MAP4K3: variants seen among roughly 807,000 people sequenced by gnomAD.
The protein encoded by MAP4K3 is mitogen-activated protein kinase kinase kinase kinase 3.
MAP4K3 carries 94 observed loss-of-function variants against 143.5 expected under a neutral mutation model. The ratio of observed to expected loss-of-function variants is 0.65; its 90% CI spans 0.55 to 0.78. MAP4K3 has a LOEUF of 0.78. Ranked by LOEUF, MAP4K3 falls within the 30% of genes least tolerant of loss-of-function variation. The probability of loss-of-function intolerance (pLI) is 0.00; values close to 1 mark genes in which losing one functional copy is unlikely to be tolerated. For synonymous variants in MAP4K3, 416 were observed against 347.2 expected, an observed-to-expected ratio of 1.20 and a Z score of -2.20; for missense variants, 1,077 against 1,068.1, an observed-to-expected ratio of 1.01 and a Z score of -0.12.
chr2:39,345,204 T>C (rs116315231), intron 3 of MAP4K3, among the ~76,000 whole-genome samples: 7,301 of 151,274 alleles, frequency 0.048, 186 homozygotes, highest in Middle Eastern at 0.12. Flanking sequence ...GAGACTCTCA[T>C]CTCTTAAAAA....
chr2:39,319,978 T>C (rs1035639325), intron 12 of MAP4K3, among the ~76,000 whole-genome samples: 3 of 152,192 alleles, frequency 2.0e-5, no homozygotes, highest in African/African-American at 7.2e-5. Context: ...ATTATTTTTA[T>C]TTTTTAAACT....
chr2:39,295,893 A>G lies in MAP4K3; in HGVS notation c.1179-2625T>C, dbSNP rs989685607. Among the ~76,000 whole-genome samples the G allele has an allele frequency of 2.0e-5, 3 of 151,656 alleles. No individual in the cohort carries two copies. In the South Asian group the frequency reaches 6.2e-4, roughly 32 times the overall value. On this transcript the variant is annotated intron_variant, in intron 16 of 33. Coordinates refer to ENST00000263881, the MANE Select transcript of MAP4K3 (RefSeq NM_003618.4). ...ACCACCATGCCCGGCTAATTTTTGTATTTTCAGTAAAGACTGAGTCTCACT... is the reference window on the plus strand; with the variant it reads ...ACCACCATGCCCGGCTAATTTTTGTGTTTTCAGTAAAGACTGAGTCTCACT...
chr2:39,370,269 T>C (rs570931846), intron 2 of MAP4K3, among the ~76,000 whole-genome samples: 1 of 152,196 alleles, frequency 6.6e-6, no homozygotes, highest in Admixed American at 6.5e-5. Context: ...GACTAAGCTA[T>C]CCATGATTAA....
chr2:39,359,264 C>A (rs1405812167), intron 2 of MAP4K3, among the ~76,000 whole-genome samples: 1 of 151,774 alleles, frequency 6.6e-6, no homozygotes, highest in East Asian at 2.0e-4. Flanking sequence ...TTAATGACTA[C>A]CAACAGGGTA....
At chr2:39,336,267 G>C (rs1032262306) in intron 6 of MAP4K3, among the ~76,000 whole-genome samples, 1 of 151,970 alleles carries the variant, frequency 6.6e-6, no homozygotes, top group Non-Finnish European at 1.5e-5. Context: ...GAGGTCAGGA[G>C]ATCGAGACCA....
At chr2:39,287,884 G>C (rs1004844191) in intron 20 of MAP4K3, among the ~76,000 whole-genome samples, 2 of 152,154 alleles carry the variant, frequency 1.3e-5, no homozygotes, top group Admixed American at 6.5e-5. Context: ...CTCTAGAAGA[G>C]AGAAGGCTAA....
At chr2:39,294,281 G>C (rs1172767442) in intron 16 of MAP4K3, 2 of 152,096 alleles carry the variant, frequency 1.3e-5, no homozygotes, top group Non-Finnish European at 2.9e-5. Context: ...TCTACTGTAA[G>C]CAATTAACAG....
At chr2:39,366,408 T>C (rs1163073297) in intron 2 of MAP4K3, among the ~76,000 whole-genome samples, 3 of 152,208 alleles carry the variant, frequency 2.0e-5, no homozygotes, top group Admixed American at 2.0e-4. Flanking sequence ...ACCAAGGTTT[T>C]ATCATGCAGA....
At chr2:39,301,452 C>T (rs1305223896) in intron 15 of MAP4K3, among the ~76,000 whole-genome samples, 1 of 152,170 alleles carries the variant, frequency 6.6e-6, no homozygotes, top group Non-Finnish European at 1.5e-5. Context: ...AAGAGAAGTA[C>T]TAAATTAAAT....
intron 1 of MAP4K3, among the ~76,000 whole-genome samples, chr2:39,433,205 G>A (rs1665348775): frequency 1.3e-5 from 2 of 152,146 alleles, no homozygotes; most frequent in Admixed American, 1.3e-4. Flanking sequence ...TGACTCTAAG[G>A]CTTACAGCCT....
chr2:39,288,302 G>A (rs1401346927), intron 19 of MAP4K3, 22 bp from the exon 20 acceptor site: 1 of 1,602,304 alleles, frequency 6.2e-7, no homozygotes, highest in South Asian at 1.1e-5. Context: ...TAGAAAAAGA[G>A]ACCAACAATG....
At chr2:39,368,149 T>C (rs766809258) in intron 2 of MAP4K3, among the ~76,000 whole-genome samples, 1 of 152,174 alleles carries the variant, frequency 6.6e-6, no homozygotes, top group African/African-American at 2.4e-5. Flanking sequence ...GTGAAAATCC[T>C]CTGGAGTATA....
chr2:39,343,712 T>C lies in MAP4K3; in HGVS notation c.246-260A>G, dbSNP rs547883701. 2.6e-4 allele frequency among the ~76,000 whole-genome samples: 40 copies of C among 152,206 alleles called. No individual in the cohort carries two copies. The South Asian group carries it at 8.1e-3, about 31-fold the overall frequency. The stretch of plus-strand genomic sequence containing the variant: ...ATCAGGCACATCCAAATAATGAAAA[T>C]ACTTCCCTTTAGTTAAAAACTTCTC... On this transcript the variant is annotated intron_variant, in intron 3 of 33. Coordinates refer to ENST00000263881, the MANE Select transcript of MAP4K3 (RefSeq NM_003618.4).
chr2:39,422,872 G>A (rs1359557340), intron 1 of MAP4K3, among the ~76,000 whole-genome samples: 1 of 152,052 alleles, frequency 6.6e-6, no homozygotes, highest in African/African-American at 2.4e-5. Flanking sequence ...GTCTAGCATT[G>A]AGTTTTTAGA....
At chr2:39,354,431 A>G (rs572829482) in intron 3 of MAP4K3, among the ~76,000 whole-genome samples, 8 of 152,076 alleles carry the variant, frequency 5.3e-5, no homozygotes, top group Non-Finnish European at 7.4e-5. Context: ...TGACAGACTG[A>G]GATTCCATCT....
In MAP4K3 at chr2:39,355,980, C is replaced by G. The variant is rs138447152; in HGVS notation, c.245+269G>C. Among the ~76,000 whole-genome samples the G allele has an allele frequency of 5.0e-3, 766 of 152,328 alleles. 3 individuals are homozygous for G. The highest frequency in any genetic ancestry group is 8.9e-3 in the Non-Finnish European group (607 of 68,028). On this transcript the variant is annotated intron_variant, in intron 3 of 33. Coordinates refer to ENST00000263881, the MANE Select transcript of MAP4K3 (RefSeq NM_003618.4). ...GCAAGAGAATGGCATATTTAGATCG[C>G]TAGTCCACCACTGGAAGACTAACCG...
At chr2:39,396,978 C>T (rs1172673371) in intron 1 of MAP4K3, among the ~76,000 whole-genome samples, 1 of 152,170 alleles carries the variant, frequency 6.6e-6, no homozygotes, top group Admixed American at 6.5e-5. Context: ...CTGACTATTA[C>T]TGGACTTAGC....
chr2:39,269,409 T>C (rs1461201183), intron 26 of MAP4K3, among the ~76,000 whole-genome samples: 1 of 150,016 alleles, frequency 6.7e-6, no homozygotes, highest in Non-Finnish European at 1.5e-5. Flanking sequence ...TGTCATTCAG[T>C]CCCTCCAATA....
At chr2:39,346,190 G>A (rs1333308199) in intron 3 of MAP4K3, among the ~76,000 whole-genome samples, 1 of 152,164 alleles carries the variant, frequency 6.6e-6, no homozygotes, top group Non-Finnish European at 1.5e-5. Context: ...CCCAGAGAAT[G>A]TAACCACTAT....
Sources: allele counts gnomAD v4.1 joint callset (sites outside exome capture counted in the v4.1 genomes callset), GRCh38; gene constraint gnomAD v4.1.1; transcripts MANE v1.5; gene names NCBI Gene and HGNC (gene_info 2026-07-23, HGNC 2026-07-21).